DNAH17: variants seen among roughly 807,000 people sequenced by gnomAD.
DNAH17 encodes axonemal beta dynein heavy chain 17.
A neutral mutation model predicts 485.6 loss-of-function variants in DNAH17; 376 were observed. The ratio of observed to expected loss-of-function variants is 0.77; its 90% CI spans 0.71 to 0.84. The LOEUF (loss-of-function observed/expected upper bound fraction) is 0.84. DNAH17 is among the 40% of genes least tolerant of loss of function. The probability of loss-of-function intolerance (pLI) is 0.00; values close to 1 mark genes in which losing one functional copy is unlikely to be tolerated. For missense variants in DNAH17, 6,370 were observed against 5,839.3 expected, an observed-to-expected ratio of 1.09 and a Z score of -2.96; for synonymous variants, 3,031 against 2,405.9, an observed-to-expected ratio of 1.26 and a Z score of -7.60.
chr17:78,441,795 T>G (rs1480975108), intron 71 of DNAH17, among the ~76,000 whole-genome samples: 1 of 152,134 alleles, frequency 6.6e-6, no homozygotes, highest in Non-Finnish European at 1.5e-5. Flanking sequence ...GAGCTAAGAT[T>G]AGTAAACTTG....
At chr17:78,462,453 C>A (rs987537976) in intron 57 of DNAH17, among the ~76,000 whole-genome samples, 3 of 152,112 alleles carry the variant, frequency 2.0e-5, no homozygotes, top group African/African-American at 2.4e-5. Flanking sequence ...CCTTCAAGAT[C>A]CATACGGTGT....
rs375041240 is a variant in DNAH17 at position 78,552,651 on chromosome 17, G to A, written c.2287+46C>T. On this transcript the variant is annotated intron_variant, in intron 15 of 80. Transcript: ENST00000389840. ...TTTGAGGACAGATGCTGGGCAGGTT[G>A]GACTCCCAAGTTTAATCCAATGTGG... is the stretch of plus-strand genomic sequence containing the variant. 60 of 1,394,944 alleles carry A rather than the reference G, an allele frequency of 4.3e-5. No homozygotes were observed. In the African/African-American group the frequency reaches 7.4e-4, roughly 17 times the overall value. 86.4% of individuals were successfully genotyped at this position (1,394,944 alleles called of 1,614,324 possible). A position where few individuals can be genotyped will look rare whatever the true frequency, so the allele number is the denominator to read the frequency against.
chr17:78,501,281 G>T lies in DNAH17; in HGVS notation c.5386C>A (p.Arg1796=). ...QLRHRWDEEK[R]HCFANICDAQ... ...TCGCAGATGTTGGCAAAGCAGTGTC[G>T]CTTCTCTTCGTCCCAGCGATGCCGG... Residue 1796 remains arginine (R), a synonymous_variant, in exon 35 of 81, where the codon CGA becomes AGA. Coordinates refer to ENST00000389840, the MANE Select transcript of DNAH17 (RefSeq NM_173628.4). 1 of 1,608,408 alleles carries T rather than the reference G, an allele frequency of 6.2e-7. No homozygotes were observed.
At chr17:78,449,852 T>G in intron 68 of DNAH17, 1 of 448,098 alleles carries the variant, frequency 2.2e-6, no homozygotes, top group Admixed American at 3.5e-5. Context: ...TTTTTTTTAT[T>G]TTTAGTACAG....
rs146127409 is a variant in DNAH17, at chr17:78,521,964, C to T, written c.3864+3045G>A. Among the ~76,000 whole-genome samples the T allele has an allele frequency of 1.1e-3, 172 of 152,220 alleles. 1 individual carries two copies. Among genetic ancestry groups the T allele is most frequent in the East Asian group, 0.011 (56 of 5,186 alleles). ...TCGTGCCACTGTACTCCAGCCTGGGCGACAGAGTGAGACTCCGCCTCAAAA... is the reference window on the plus strand; with the variant it reads ...TCGTGCCACTGTACTCCAGCCTGGGTGACAGAGTGAGACTCCGCCTCAAAA... On this transcript the variant is annotated intron_variant, in intron 25 of 80. Transcript: ENST00000389840.
chr17:78,474,354 T>A (rs1368381966), intron 54 of DNAH17, among the ~76,000 whole-genome samples: 1 of 152,274 alleles, frequency 6.6e-6, no homozygotes, highest in Non-Finnish European at 1.5e-5. Context: ...TGATTCCTTC[T>A]GAACTAATGG....
chr17:78,443,834 G>A (rs1008524945), intron 71 of DNAH17, among the ~76,000 whole-genome samples: 1 of 152,164 alleles, frequency 6.6e-6, no homozygotes, highest in Non-Finnish European at 1.5e-5. Context: ...CACTGCACCT[G>A]GCCATCAGAG....
rs375782344 is a variant in DNAH17 at position 78,466,744 on chromosome 17, A to T, written c.8851T>A (p.Cys2951Ser). The T allele has an allele frequency of 1.8e-4, 285 of 1,612,694 alleles. No individual in the cohort carries two copies. The highest frequency in any genetic ancestry group is 8.3e-4 in the Middle Eastern group (5 of 6,056). The change falls in exon 56 of 81, where the codon TGC becomes AGC. Residue 2951 changes from cysteine to serine, a missense_variant. Transcript: ENST00000389840. ...RARKFPAVVNCTAIDWFHEWP... is the reference protein window; with the variant it reads ...RARKFPAVVNSTAIDWFHEWP... ...TCGTGGAACCAGTCGATGGCCGTGC[A>T]GTTGACCACAGCTGGGAACTTTCTG...
intron 18 of DNAH17, among the ~76,000 whole-genome samples, chr17:78,537,892 A>G (rs545455723): frequency 5.3e-5 from 8 of 152,328 alleles, no homozygotes; most frequent in African/African-American, 1.9e-4. Context: ...TAATCCCAGC[A>G]CTTTGGGAGG....
chr17:78,538,646 C>G (rs926712777), intron 18 of DNAH17, among the ~76,000 whole-genome samples: 1 of 152,192 alleles, frequency 6.6e-6, no homozygotes, highest in Non-Finnish European at 1.5e-5. Flanking sequence ...GGAGGACTCC[C>G]TGGAACTCTT....
chr17:78,496,125 G>A lies in DNAH17; in HGVS notation c.5746-93C>T, dbSNP rs879191172. The A allele has an allele frequency of 1.0e-4, 143 of 1,396,238 alleles. 1 individual carries two copies. Among genetic ancestry groups the A allele is most frequent in the Admixed American group, 3.7e-4 (15 of 40,132 alleles). The allele number at this position is 1,396,238 out of a possible 1,614,324, so 86.5% of individuals were successfully genotyped here. A position where few individuals can be genotyped will look rare whatever the true frequency, so the allele number is the denominator to read the frequency against. The stretch of plus-strand genomic sequence containing the variant: ...CACATATGTTAAAGCATGAGGCTGC[G>A]AATTTGCGCCTGCAAATTCAAACCT... On this transcript the variant is annotated intron_variant, in intron 37 of 80. Transcript: ENST00000389840.
At position 78,526,935 on chromosome 17, in the gene DNAH17, G is replaced by A. The variant is rs1469476298; in HGVS notation, c.3569C>T (p.Ala1190Val). The A allele has an allele frequency of 1.3e-6, 2 of 1,587,896 alleles. No individual in the cohort carries two copies. The highest frequency in any genetic ancestry group is 1.1e-5 in the South Asian group (1 of 86,990). Reference protein sequence around the residue: ...KLAIQVKLTVAPLQANEVSIL... With the variant: ...KLAIQVKLTVVPLQANEVSIL... ...GCTGACCTCGTTGGCCTGGAGTGGT[G>A]CCACGGTCAGCTTCACCTGAATGGC... is the stretch of plus-strand genomic sequence containing the variant. Residue 1190 changes from alanine to valine, a missense_variant, in exon 23 of 81, where the codon GCA becomes GTA. Physicochemically the swap from Ala to Val is moderately conservative, Grantham distance 64. Transcript: ENST00000389840.
At chr17:78,473,543 CAAAAAAAAA>C (rs758795883) in intron 54 of DNAH17, among the ~76,000 whole-genome samples, 1 of 55,446 alleles carries the variant, frequency 1.8e-5, no homozygotes, top group African/African-American at 6.9e-5. Context: ...GACTCTGTCT[CAAAAAAAAA>C]AAAAAAAAAA....
chr17:78,521,440 C>T (rs902788092), intron 25 of DNAH17, among the ~76,000 whole-genome samples: 2 of 152,012 alleles, frequency 1.3e-5, no homozygotes, highest in East Asian at 1.9e-4. Flanking sequence ...ATGGAGGGAC[C>T]GACTTGTCTA....
Position 78,492,747 on chromosome 17 carries a change from T to G in DNAH17, c.6427A>C (p.Lys2143Gln). Residue 2143 changes from lysine to glutamine, a missense_variant, in exon 42 of 81, where the codon AAG becomes CAG. Transcript: ENST00000389840. ...GKSQVLKSLN[K>Q]TYQNLKRKPV... is the part of the protein sequence containing the mutation. ...TTCCTCTTCAGGTTCTGATAGGTCT[T>G]GTTGAGGGATTTGAGGACCTGGCGA... 1 of 1,612,270 alleles carries G rather than the reference T, an allele frequency of 6.2e-7. No homozygotes were observed.
At chr17:78,577,080 G>C (rs1197534654) in intron 1 of DNAH17, among the ~76,000 whole-genome samples, 1 of 152,162 alleles carries the variant, frequency 6.6e-6, no homozygotes, top group Non-Finnish European at 1.5e-5. Context: ...GCAGGGAAGA[G>C]TCTGGAGCCC....
intron 65 of DNAH17, 40 bp from the exon 66 acceptor site, chr17:78,451,713 T>G: frequency 4.6e-6 from 7 of 1,512,966 alleles, no homozygotes; most frequent in Non-Finnish European, 6.2e-6. Context: ...GGCCTCCCAG[T>G]GACCAGGGGA....
Position 78,532,538 on chromosome 17 carries a change from A to T in DNAH17, c.3058T>A (p.Trp1020Arg). 1 of 1,611,354 alleles carries T rather than the reference A, an allele frequency of 6.2e-7. No individual in the cohort carries two copies. The highest frequency in any genetic ancestry group is 8.5e-7 in the Non-Finnish European group (1 of 1,178,964). Residue 1020 changes from tryptophan to arginine, a missense_variant, in exon 20 of 81, where the codon TGG becomes AGG. Transcript: ENST00000389840. ...CAVTAEDLDT[W>R]TDDTIPKTPP... The stretch of plus-strand genomic sequence containing the variant: ...GTCTTGGGGATGGTGTCATCTGTCC[A>T]GGTGTCCAAGTCCTCCGCAGTGACT...
intron 9 of DNAH17, among the ~76,000 whole-genome samples, chr17:78,567,922 A>C (rs113842065): frequency 0.021 from 3,204 of 152,242 alleles, 94 homozygotes; most frequent in African/African-American, 0.062. Flanking sequence ...CAGTGCAGGC[A>C]GAGTTTAGAC....
Sources: allele counts gnomAD v4.1 joint callset (sites outside exome capture counted in the v4.1 genomes callset), GRCh38; gene constraint gnomAD v4.1.1; transcripts MANE v1.5; gene names NCBI Gene and HGNC (gene_info 2026-07-23, HGNC 2026-07-21).